Variants in SORCS3 observed in about 807,000 individuals in gnomAD.
SORCS3 encodes the protein sortilin related VPS10 domain containing receptor 3.
In SORCS3, 57 loss-of-function variants were observed where a neutral mutation model predicts 146.3. That is an observed-to-expected ratio of 0.39 (90% confidence interval 0.31 to 0.49). The LOEUF is 0.49. SORCS3 is among the 20% of genes least tolerant of loss of function. SORCS3 has a pLI of 0.92. For missense variants in SORCS3, 1,341 were observed against 1,575.5 expected, an observed-to-expected ratio of 0.85 and a Z score of 2.52; for synonymous variants, 653 against 618.5, an observed-to-expected ratio of 1.06 and a Z score of -0.83.
intron 1 of SORCS3, among the ~76,000 whole-genome samples, chr10:104,730,833 G>T (rs2016698137): frequency 6.6e-6 from 1 of 152,120 alleles, no homozygotes. Context: ...ACTCACTATT[G>T]CCAGAACAGT....
chr10:104,823,251 C>G (rs553311480), intron 1 of SORCS3, among the ~76,000 whole-genome samples: 2 of 152,040 alleles, frequency 1.3e-5, no homozygotes, highest in East Asian at 3.9e-4. Context: ...TGGAAACCAC[C>G]GCAACCAACC....
chr10:104,868,678 T>C (rs552199595), intron 2 of SORCS3, among the ~76,000 whole-genome samples: 1 of 152,236 alleles, frequency 6.6e-6, no homozygotes, highest in Non-Finnish European at 1.5e-5. Flanking sequence ...AGATAAGGGC[T>C]TCCTTCAGGG....
In SORCS3 at chr10:105,172,656, G is replaced by A. The variant is rs373308668; in HGVS notation, c.1901+5307G>A. ...TTTTCTTCTTCTTTTTCCCTAAGCT[G>A]CCTAAAATTCATATAACCTGTTTCT... On this transcript the variant is annotated intron_variant, in intron 13 of 26. Transcript: ENST00000369701. 1.4e-4 allele frequency among the ~76,000 whole-genome samples: 22 copies of A among 152,138 alleles called. No homozygotes were observed. In the East Asian group the frequency reaches 2.5e-3, roughly 17 times the overall value.
At chr10:104,695,997 C>T (rs1330752931) in intron 1 of SORCS3, among the ~76,000 whole-genome samples, 1 of 119,236 alleles carries the variant, frequency 8.4e-6, no homozygotes, top group Non-Finnish European at 1.7e-5. Context: ...TATATACACA[C>T]ATATAATATA....
chr10:105,072,027 C>T (rs945624061), intron 5 of SORCS3, among the ~76,000 whole-genome samples: 2 of 152,106 alleles, frequency 1.3e-5, no homozygotes, highest in African/African-American at 2.4e-5. Flanking sequence ...AATTCATGAG[C>T]GCTACTTTGG....
chr10:105,084,100 C>CTA (rs1219868935), intron 5 of SORCS3, among the ~76,000 whole-genome samples: 14 of 152,262 alleles, frequency 9.2e-5, no homozygotes, highest in Non-Finnish European at 1.6e-4. Flanking sequence ...TCATTCCTAA[C>CTA]TCATAGAGTT....
intron 1 of SORCS3, among the ~76,000 whole-genome samples, chr10:104,806,429 T>C (rs1395175242): frequency 6.6e-6 from 1 of 152,216 alleles, no homozygotes; most frequent in African/African-American, 2.4e-5. Context: ...ATGAGAGTAA[T>C]CATGGTAGTG....
At chr10:104,809,384 G>A (rs942019552) in intron 1 of SORCS3, among the ~76,000 whole-genome samples, 2 of 152,204 alleles carry the variant, frequency 1.3e-5, no homozygotes, top group Non-Finnish European at 2.9e-5. Context: ...AGCCAGACAT[G>A]TGTCTCATCC....
chr10:104,944,773 C>T (rs916271277), intron 3 of SORCS3, among the ~76,000 whole-genome samples: 6 of 152,170 alleles, frequency 3.9e-5, no homozygotes, highest in African/African-American at 9.7e-5. Context: ...GTTATAACCA[C>T]TTTAGAAAAC....
In SORCS3 at chr10:105,223,255, G is replaced by A; in HGVS notation, c.2868+6G>A. The A allele has an allele frequency of 6.2e-7, 1 of 1,603,394 alleles. No individual in the cohort carries two copies. The highest frequency in any genetic ancestry group is 2.2e-5 in the East Asian group (1 of 44,588). Reference sequence around the variant, plus strand: ...GGTTCGGCAATAGCACAAAGGTTTGGCCCTTTCTGATTGATGTCAAATTAG... The same window carrying A: ...GGTTCGGCAATAGCACAAAGGTTTGACCCTTTCTGATTGATGTCAAATTAG... On this transcript the variant is annotated splice_donor_region_variant and intron_variant, in intron 20 of 26. Transcript: ENST00000369701.
chr10:104,942,530 T>C (rs2019331112), intron 3 of SORCS3, among the ~76,000 whole-genome samples: 1 of 152,200 alleles, frequency 6.6e-6, no homozygotes, highest in African/African-American at 2.4e-5. Flanking sequence ...TTTATGAACA[T>C]AGATGCAAAA....
In SORCS3 at chr10:104,800,584, C is replaced by T. The variant is rs535895229; in HGVS notation, c.628-42208C>T. 8.6e-5 allele frequency among the ~76,000 whole-genome samples: 13 copies of T among 151,982 alleles called. No homozygotes were observed. In the East Asian group the frequency reaches 1.9e-3, roughly 23 times the overall value. ...GGAGGGTGTGTGTGTGTTGGGGAGG[C>T]GGGTAGGGGGTAGATGGGATATCTC... On this transcript the variant is annotated intron_variant, in intron 1 of 26. Transcript: ENST00000369701.
chr10:105,245,594 C>T lies in SORCS3; in HGVS notation c.2921C>T (p.Thr974Ile), dbSNP rs369794154. The T allele has an allele frequency of 6.2e-7, 1 of 1,614,130 alleles. No individual in the cohort carries two copies. Among genetic ancestry groups the T allele is most frequent in the Admixed American group, 1.7e-5 (1 of 60,012 alleles). The change falls in exon 21 of 27, where the codon ACC becomes ATC. Residue 974 changes from threonine to isoleucine, a missense_variant. Coordinates refer to ENST00000369701, the MANE Select transcript of SORCS3 (RefSeq NM_014978.3). Reference sequence around the variant, plus strand: ...TCCTTCACATTCCTTGCAGAAGGAACCGACACCATCACAGTCCAGGTGGCT... The same window carrying T: ...TCCTTCACATTCCTTGCAGAAGGAATCGACACCATCACAGTCCAGGTGGCT... ...SISFTFLAEGTDTITVQVAAG... is the reference protein window; with the variant it reads ...SISFTFLAEGIDTITVQVAAG...
intron 12 of SORCS3, among the ~76,000 whole-genome samples, chr10:105,165,112 A>G (rs1487469058): frequency 2.0e-5 from 3 of 152,118 alleles, no homozygotes; most frequent in Non-Finnish European, 4.4e-5. Flanking sequence ...ACTATATTGG[A>G]CAAATAGACT....
At chr10:104,792,404 C>G (rs951152169) in intron 1 of SORCS3, among the ~76,000 whole-genome samples, 1 of 152,198 alleles carries the variant, frequency 6.6e-6, no homozygotes, top group Non-Finnish European at 1.5e-5. Flanking sequence ...TTCTTCAGAA[C>G]CACATTGTTG....
chr10:104,778,018 A>G (rs1003484701), intron 1 of SORCS3, among the ~76,000 whole-genome samples: 6 of 152,188 alleles, frequency 3.9e-5, no homozygotes, highest in Non-Finnish European at 4.4e-5. Context: ...GTATGAAAAT[A>G]CAGTTAGATA....
At chr10:105,019,013 C>T (rs1413778100) in intron 4 of SORCS3, among the ~76,000 whole-genome samples, 1 of 152,162 alleles carries the variant, frequency 6.6e-6, no homozygotes, top group Non-Finnish European at 1.5e-5. Context: ...TTATATCTGG[C>T]TGTCCTATCA....
intron 14 of SORCS3, among the ~76,000 whole-genome samples, chr10:105,187,248 C>T (rs1947988): frequency 0.24 from 36,414 of 152,052 alleles, 4,324 homozygotes; most frequent in South Asian, 0.3. Flanking sequence ...TCAAGCCTTT[C>T]AATCTTTGCC....
chr10:104,854,150 C>T (rs2018304441), intron 2 of SORCS3, among the ~76,000 whole-genome samples: 1 of 152,112 alleles, frequency 6.6e-6, no homozygotes, highest in Non-Finnish European at 1.5e-5. Flanking sequence ...TCTCCTGAAC[C>T]TTAGACAATG....
Sources: gnomAD v4.1 joint callset for allele counts (sites outside exome capture counted in the v4.1 genomes callset) on GRCh38, gnomAD v4.1.1 for gene constraint, MANE v1.5 for transcripts, NCBI Gene and HGNC (gene_info 2026-07-23, HGNC 2026-07-21) for gene names.